Variants in EXOC6B observed in about 807,000 individuals in gnomAD.
EXOC6B encodes exocyst complex component 6B.
Under a neutral mutation model 113.5 loss-of-function variants are expected in EXOC6B, and 54 were observed. The ratio of observed to expected loss-of-function variants is 0.48; its 90% CI spans 0.38 to 0.60. EXOC6B has a LOEUF of 0.60. Ranked by LOEUF, EXOC6B falls within the 20% of genes least tolerant of loss-of-function variation. The probability of loss-of-function intolerance (pLI) is 0.00; values close to 1 mark genes in which losing one functional copy is unlikely to be tolerated. For synonymous variants in EXOC6B, 357 were observed against 339.0 expected (o/e 1.05, Z -0.58); for missense variants, 797 against 977.5 (o/e 0.82, Z 2.46).
At chr2:72,333,933 C>T (rs1005012524) in intron 20 of EXOC6B, among the ~76,000 whole-genome samples, 2 of 151,940 alleles carry the variant, frequency 1.3e-5, no homozygotes, top group African/African-American at 2.4e-5. Context: ...AAGGAACTAC[C>T]GATACAAGGG....
At chr2:72,662,070 G>C (rs1675056163) in intron 6 of EXOC6B, among the ~76,000 whole-genome samples, 1 of 126,664 alleles carries the variant, frequency 7.9e-6, no homozygotes, top group South Asian at 3.1e-4. Context: ...GGAAGGAAGG[G>C]AGGAAAGGGA....
At chr2:72,257,074 C>G (rs761985823) in intron 20 of EXOC6B, among the ~76,000 whole-genome samples, 9 of 152,106 alleles carry the variant, frequency 5.9e-5, no homozygotes, top group Non-Finnish European at 1.5e-5. Context: ...GTTCTGGGAA[C>G]AAAATGACTA....
intron 20 of EXOC6B, among the ~76,000 whole-genome samples, chr2:72,253,657 G>C (rs1683164122): frequency 6.6e-6 from 1 of 152,046 alleles, no homozygotes; most frequent in African/African-American, 2.4e-5. Context: ...GAGTACATAT[G>C]GACACAAAGA....
intron 19 of EXOC6B, among the ~76,000 whole-genome samples, chr2:72,369,758 G>C (rs904179212): frequency 3.9e-5 from 6 of 152,138 alleles, no homozygotes; most frequent in Non-Finnish European, 8.8e-5. Context: ...GCAAGAAATG[G>C]GGAAAGGATT....
At chr2:72,500,058 T>G in intron 11 of EXOC6B, 86 bp from the exon 12 acceptor site, 3 of 857,876 alleles carry the variant, frequency 3.5e-6, no homozygotes, top group Non-Finnish European at 5.6e-6. Flanking sequence ...GTTTAGCGCT[T>G]TATCTGGCAA....
intron 13 of EXOC6B, among the ~76,000 whole-genome samples, chr2:72,497,481 A>G (rs1168897479): frequency 6.6e-6 from 1 of 152,178 alleles, no homozygotes; most frequent in Non-Finnish European, 1.5e-5. Flanking sequence ...TCAAAACAGA[A>G]GACTCACTGA....
intron 20 of EXOC6B, among the ~76,000 whole-genome samples, chr2:72,326,739 A>G (rs2104849204): frequency 6.6e-6 from 1 of 151,620 alleles, no homozygotes; most frequent in South Asian, 2.1e-4. Context: ...AGGGTGTTCT[A>G]TTAGGATGGT....
intron 1 of EXOC6B, among the ~76,000 whole-genome samples, chr2:72,744,467 G>A (rs934456883): frequency 3.9e-5 from 6 of 152,120 alleles, no homozygotes; most frequent in East Asian, 1.9e-4. Flanking sequence ...AGAATCTACC[G>A]TTGACATTTC....
intron 18 of EXOC6B, among the ~76,000 whole-genome samples, chr2:72,380,777 A>G (rs1691633271): frequency 1.3e-5 from 2 of 152,220 alleles, no homozygotes; most frequent in African/African-American, 4.8e-5. Context: ...AATTTTGAAA[A>G]TATGGATTTT....
chr2:72,413,019 C>G (rs945811391), intron 18 of EXOC6B, among the ~76,000 whole-genome samples: 4 of 151,936 alleles, frequency 2.6e-5, no homozygotes, highest in African/African-American at 9.7e-5. Flanking sequence ...AGTGCAGTGG[C>G]GCGATCTCAG....
rs145340390 is a variant in EXOC6B at position 72,458,740 on chromosome 2, C to T, written c.1980+6420G>A. Among the ~76,000 whole-genome samples, 6 of 152,136 alleles carry T rather than the reference C, an allele frequency of 3.9e-5. No individual in the cohort carries two copies. The East Asian group carries it at 1.2e-3, about 29-fold the overall frequency. ...CCTTGCAAGAAAGTTCACAACTCTA[C>T]AGGTAAAAGCATGCATTTTAATTCA... On this transcript the variant is annotated intron_variant, in intron 18 of 21. Coordinates refer to ENST00000272427, the MANE Select transcript of EXOC6B (RefSeq NM_015189.3).
chr2:72,666,484 C>T (rs1675398413), intron 6 of EXOC6B, among the ~76,000 whole-genome samples: 1 of 151,946 alleles, frequency 6.6e-6, no homozygotes, highest in Non-Finnish European at 1.5e-5. Context: ...AGAATGCCCA[C>T]TCTCACCATT....
chr2:72,525,753 A>G (rs946088831), intron 8 of EXOC6B, among the ~76,000 whole-genome samples: 11 of 152,132 alleles, frequency 7.2e-5, no homozygotes, highest in Admixed American at 6.5e-4. Context: ...GACTAAAATT[A>G]CATCTCCCCA....
intron 1 of EXOC6B, among the ~76,000 whole-genome samples, chr2:72,751,263 G>A (rs1459100735): frequency 6.6e-6 from 1 of 152,084 alleles, no homozygotes. Flanking sequence ...ATACATGTAA[G>A]ATTTAGATTG....
At chr2:72,266,178 C>A (rs1312939410) in intron 20 of EXOC6B, among the ~76,000 whole-genome samples, 3 of 151,602 alleles carry the variant, frequency 2.0e-5, no homozygotes, top group Non-Finnish European at 2.9e-5. Flanking sequence ...GAGTAGGTTG[C>A]GAAAATTTTC....
intron 6 of EXOC6B, among the ~76,000 whole-genome samples, chr2:72,584,683 C>G (rs1474804204): frequency 6.6e-6 from 1 of 152,214 alleles, no homozygotes; most frequent in Non-Finnish European, 1.5e-5. Flanking sequence ...CAGAACACTT[C>G]ACCCATCAAC....
intron 20 of EXOC6B, among the ~76,000 whole-genome samples, chr2:72,203,442 AGGGAAT>A (rs1265432541): frequency 1.3e-5 from 2 of 152,180 alleles, no homozygotes; most frequent in Admixed American, 1.3e-4. Context: ...AGTATAGTCA[AGGGAAT>A]TTCTATTTGC....
chr2:72,793,089 A>G (rs1002215806), intron 1 of EXOC6B, among the ~76,000 whole-genome samples: 3 of 152,136 alleles, frequency 2.0e-5, no homozygotes, highest in Non-Finnish European at 4.4e-5. Context: ...TATCAATCAT[A>G]TTATTTTTGG....
chr2:72,570,408 C>T (rs1339456807), intron 7 of EXOC6B, among the ~76,000 whole-genome samples: 1 of 152,152 alleles, frequency 6.6e-6, no homozygotes, highest in African/African-American at 2.4e-5. Context: ...ATTACTACAG[C>T]ACAACAATAA....
Sources: gnomAD v4.1 joint callset for allele counts (sites outside exome capture counted in the v4.1 genomes callset) on GRCh38, gnomAD v4.1.1 for gene constraint, MANE v1.5 for transcripts, NCBI Gene and HGNC (gene_info 2026-07-23, HGNC 2026-07-21) for gene names.